LRP6: variants seen among roughly 807,000 people sequenced by gnomAD.
The protein encoded by LRP6 is low-density lipoprotein receptor-related protein 6.
In LRP6, 43 loss-of-function variants were observed where a neutral mutation model predicts 184.1. That is an observed-to-expected ratio of 0.23 (90% CI 0.18 to 0.30). The LOEUF (loss-of-function observed/expected upper bound fraction) is 0.30, where lower values mean the gene tolerates loss of function less well. Ranked by LOEUF, LRP6 falls within the 10% of genes least tolerant of loss-of-function variation. The pLI is 1.00. For missense variants in LRP6, 1,571 were observed against 2,005.3 expected, an observed-to-expected ratio of 0.78 and a Z score of 4.14; for synonymous variants, 719 against 684.9, an observed-to-expected ratio of 1.05 and a Z score of -0.78.
chr12:12,143,871 T>A lies in LRP6; in HGVS notation c.3397+3495A>T, dbSNP rs565186623. Among the ~76,000 whole-genome samples the A allele has an allele frequency of 1.1e-4, 17 of 152,368 alleles. No homozygotes were observed. The East Asian group carries it at 3.3e-3, about 29-fold the overall frequency. Reference sequence around the variant, plus strand: ...TACATTTATGTGGTACAAGTTTTTTTAACATGGATATATACTATGTATCTA... The same window carrying A: ...TACATTTATGTGGTACAAGTTTTTTAAACATGGATATATACTATGTATCTA... On this transcript the variant is annotated intron_variant, in intron 15 of 22. Coordinates refer to ENST00000261349, the MANE Select transcript of LRP6 (RefSeq NM_002336.3).
At chr12:12,203,176 A>C (rs1287394135) in intron 3 of LRP6, 27 bp downstream of exon 3, 1 of 1,547,630 alleles carries the variant, frequency 6.5e-7, no homozygotes, top group East Asian at 2.3e-5. Context: ...TTTTCTTAAA[A>C]GTTTTTTCTA....
intron 2 of LRP6, among the ~76,000 whole-genome samples, chr12:12,242,729 T>C (rs1305306524): frequency 6.6e-6 from 1 of 152,246 alleles, no homozygotes; most frequent in Non-Finnish European, 1.5e-5. Context: ...AAGAGCACCA[T>C]CTTGCTTCAA....
intron 15 of LRP6, among the ~76,000 whole-genome samples, chr12:12,144,330 A>AT (rs1179423557): frequency 6.6e-6 from 1 of 152,156 alleles, no homozygotes; most frequent in African/African-American, 2.4e-5. Context: ...TGAATGAAAC[A>AT]TTTTCATGAA....
chr12:12,139,034 C>A, intron 15 of LRP6: 1 of 1,285,946 alleles, frequency 7.8e-7, no homozygotes. Context: ...TCTGAGGAGG[C>A]AACTTCTGCT....
intron 2 of LRP6, among the ~76,000 whole-genome samples, chr12:12,207,665 CAAG>C (rs1370018587): frequency 6.6e-6 from 1 of 152,056 alleles, no homozygotes; most frequent in Non-Finnish European, 1.5e-5. Context: ...AAAAGACTGC[CAAG>C]AAGAGCCTTA....
intron 2 of LRP6, among the ~76,000 whole-genome samples, chr12:12,203,994 C>T (rs1186276995): frequency 3.9e-5 from 6 of 152,044 alleles, no homozygotes; most frequent in Admixed American, 1.3e-4. Flanking sequence ...TACTTATTAA[C>T]AACAAAGAAG....
At position 12,116,599 on chromosome 12, in the gene LRP6, A is replaced by G. The variant is rs1374502995; in HGVS notation, c.*4527T>C. ...ACACAACCACCAAAATGGACAGTTC[A>G]GCAAAAGCGCGTTGTCTGTAATTCT... On this transcript the variant is annotated 3_prime_UTR_variant, in exon 23 of 23. Transcript: ENST00000261349. 1 of 152,206 alleles carries G rather than the reference A, an allele frequency of 6.6e-6. No homozygotes were observed. The highest frequency in any genetic ancestry group is 2.4e-5 in the African/African-American group (1 of 41,448). 9.4% of individuals were successfully genotyped at this position (152,206 alleles called of 1,614,324 possible). A position where few individuals can be genotyped will look rare whatever the true frequency, so the allele number is the denominator to read the frequency against.
chr12:12,235,569 A>G (rs1363802071), intron 2 of LRP6, among the ~76,000 whole-genome samples: 3 of 151,956 alleles, frequency 2.0e-5, no homozygotes, highest in Middle Eastern at 3.4e-3. Flanking sequence ...CGTCTCTACT[A>G]AAAAAACAAA....
rs1254776755 is a variant in LRP6 at position 12,216,676 on chromosome 12, GA to G, written c.450-13277del. ...AATTTAAAAAAAAAAAAAAAGAAAAGAAAAGCTTTGTTAAAGGTTGTTTTCT... is the reference window on the plus strand; with the variant it reads ...AATTTAAAAAAAAAAAAAAAGAAAAGAAAGCTTTGTTAAAGGTTGTTTTCT... On this transcript the variant is annotated intron_variant, in intron 2 of 22. Coordinates refer to ENST00000261349, the MANE Select transcript of LRP6 (RefSeq NM_002336.3). Among the ~76,000 whole-genome samples, 11 of 147,432 alleles carry G rather than the reference GA, an allele frequency of 7.5e-5. No individual in the cohort carries two copies. In the South Asian group the frequency reaches 8.5e-4, roughly 11 times the overall value.
chr12:12,226,256 T>C (rs924736571), intron 2 of LRP6, among the ~76,000 whole-genome samples: 1 of 152,196 alleles, frequency 6.6e-6, no homozygotes, highest in African/African-American at 2.4e-5. Flanking sequence ...TCACAATTCC[T>C]TTTATCTGAT....
chr12:12,211,449 G>T (rs546960320), intron 2 of LRP6, among the ~76,000 whole-genome samples: 1 of 152,236 alleles, frequency 6.6e-6, no homozygotes, highest in African/African-American at 2.4e-5. Context: ...CTCAAAAAAA[G>T]AGAGTCTGGA....
chr12:12,254,491 A>G (rs953485543), intron 1 of LRP6, among the ~76,000 whole-genome samples: 6 of 152,150 alleles, frequency 3.9e-5, no homozygotes, highest in African/African-American at 1.2e-4. Context: ...TAAGGAGACT[A>G]TGTTTTTGTA....
intron 1 of LRP6, among the ~76,000 whole-genome samples, chr12:12,253,839 G>A (rs919213788): frequency 2.6e-5 from 4 of 152,016 alleles, no homozygotes; most frequent in African/African-American, 9.7e-5. Flanking sequence ...GAGTGCACTT[G>A]TCTTCAATAA....
chr12:12,161,290 T>G (rs1591900457), intron 10 of LRP6, among the ~76,000 whole-genome samples: 1 of 152,124 alleles, frequency 6.6e-6, no homozygotes, highest in South Asian at 2.1e-4. Flanking sequence ...TTTTCCAAGA[T>G]GGAGTCTTGC....
intron 2 of LRP6, among the ~76,000 whole-genome samples, chr12:12,236,376 A>ATTTGG (rs1728329060): frequency 6.6e-6 from 1 of 152,248 alleles, no homozygotes; most frequent in South Asian, 2.1e-4. Context: ...TACAGGATAA[A>ATTTGG]ATAAATGCCC....
chr12:12,171,373 C>T (rs1030532730), intron 7 of LRP6, among the ~76,000 whole-genome samples: 1 of 151,714 alleles, frequency 6.6e-6, no homozygotes, highest in Non-Finnish European at 1.5e-5. Flanking sequence ...ACACAAAAAA[C>T]TAGCCAGGCG....
intron 15 of LRP6, among the ~76,000 whole-genome samples, chr12:12,141,260 A>G (rs533259569): frequency 2.6e-5 from 4 of 152,266 alleles, no homozygotes; most frequent in African/African-American, 9.6e-5. Context: ...AAGGCACAGT[A>G]TCAAATTCTA....
At chr12:12,137,030 T>C (rs1459190839) in intron 16 of LRP6, among the ~76,000 whole-genome samples, 1 of 152,236 alleles carries the variant, frequency 6.6e-6, no homozygotes, top group Non-Finnish European at 1.5e-5. Context: ...AGTCATACCA[T>C]AAAATGACAA....
At chr12:12,228,858 A>G (rs901939515) in intron 2 of LRP6, among the ~76,000 whole-genome samples, 3 of 152,194 alleles carry the variant, frequency 2.0e-5, no homozygotes, top group Non-Finnish European at 4.4e-5. Flanking sequence ...CCACTGCTCT[A>G]GGGAAAGCAG....
Sources: gnomAD v4.1 joint callset for allele counts (sites outside exome capture counted in the v4.1 genomes callset) on GRCh38, gnomAD v4.1.1 for gene constraint, MANE v1.5 for transcripts, NCBI Gene and HGNC (gene_info 2026-07-23, HGNC 2026-07-21) for gene names.